ZNF362: variants seen among roughly 807,000 people sequenced by gnomAD.
The protein encoded by ZNF362 is zinc finger protein 362, also known as rotund homolog.
In ZNF362, 11 loss-of-function variants were observed where a neutral mutation model predicts 42.9. That is an observed-to-expected ratio of 0.26 (90% confidence interval 0.16 to 0.42). The LOEUF (loss-of-function observed/expected upper bound fraction) is 0.42, where lower values mean the gene tolerates loss of function less well. ZNF362 is among the 20% of genes least tolerant of loss of function. The pLI is 1.00. For synonymous variants in ZNF362, 255 were observed against 257.3 expected (o/e 0.99, Z 0.09); for missense variants, 362 against 576.2 (o/e 0.63, Z 3.81).
At chr1:33,190,176 T>G in the ZNF362 span, among the ~76,000 whole-genome samples, 1 of 152,164 alleles carries the variant, frequency 6.6e-6, no homozygotes, top group Admixed American at 6.5e-5. Context: ...GTCTTCACAT[T>G]ACATGCTCTT....
intron 2 of ZNF362, among the ~76,000 whole-genome samples, chr1:33,274,099 G>A (rs1272990859): frequency 1.3e-5 from 2 of 152,148 alleles, no homozygotes; most frequent in African/African-American, 2.4e-5. Flanking sequence ...AGACTGCTGT[G>A]TGAGCGGGTG....
intron 8 of ZNF362, among the ~76,000 whole-genome samples, chr1:33,298,094 G>A (rs1325632850): frequency 6.6e-6 from 1 of 152,190 alleles, no homozygotes; most frequent in East Asian, 1.9e-4. Context: ...TGGCAAAGGC[G>A]ATTGGAAGGA....
the ZNF362 span, among the ~76,000 whole-genome samples, chr1:33,171,299 G>T: frequency 5.3e-5 from 8 of 152,234 alleles, no homozygotes; most frequent in Non-Finnish European, 1.0e-4. Flanking sequence ...GGAGGCGGAT[G>T]TGGTTTGGGT....
chr1:33,212,320 A>G, the ZNF362 span, among the ~76,000 whole-genome samples: 1 of 152,146 alleles, frequency 6.6e-6, no homozygotes, highest in African/African-American at 2.4e-5. Flanking sequence ...GTATTTCTTC[A>G]TAGCAGTGTG....
the ZNF362 span, among the ~76,000 whole-genome samples, chr1:33,221,945 A>G: frequency 6.6e-6 from 1 of 152,122 alleles, no homozygotes; most frequent in African/African-American, 2.4e-5. Context: ...ATCCCAGCAA[A>G]GAAGGTAGAG....
the ZNF362 span, among the ~76,000 whole-genome samples, chr1:33,157,735 G>GAACCT: frequency 1.3e-5 from 2 of 151,838 alleles, no homozygotes; most frequent in Admixed American, 1.3e-4. Context: ...TTTGCTAATG[G>GAACCT]AACCTATCTC....
At chr1:33,238,285 C>T in the ZNF362 span, among the ~76,000 whole-genome samples, 2 of 143,640 alleles carry the variant, frequency 1.4e-5, no homozygotes, top group Non-Finnish European at 1.5e-5. Flanking sequence ...CACCACTGCA[C>T]GCCAGCCCGG....
the ZNF362 span, among the ~76,000 whole-genome samples, chr1:33,168,994 C>T: frequency 1.6e-5 from 2 of 126,102 alleles, no homozygotes; most frequent in African/African-American, 3.1e-5. Context: ...ATAAGGACAG[C>T]GGGCTTGCTC....
At chr1:33,201,191 A>G in the ZNF362 span, among the ~76,000 whole-genome samples, 1 of 152,236 alleles carries the variant, frequency 6.6e-6, no homozygotes, top group Non-Finnish European at 1.5e-5. Context: ...AGCCACAATG[A>G]TAGTAGGAGA....
At chr1:33,184,034 A>G in the ZNF362 span, among the ~76,000 whole-genome samples, 4 of 71,026 alleles carry the variant, frequency 5.6e-5, no homozygotes, top group Non-Finnish European at 1.2e-4. Context: ...AGCATTTGAA[A>G]TGAAATGAAA....
chr1:33,238,345 AAATAAAATAAAATAAAAT>A, the ZNF362 span, among the ~76,000 whole-genome samples: 1 of 98,720 alleles, frequency 1.0e-5, no homozygotes, highest in Non-Finnish European at 2.2e-5. Flanking sequence ...AAATAAAATA[AAATAAAATAAAATAAAAT>A]AATAAAATAA....
chr1:33,186,596 A>G, the ZNF362 span, among the ~76,000 whole-genome samples: 3 of 149,180 alleles, frequency 2.0e-5, no homozygotes. Flanking sequence ...ACCTGAGGTC[A>G]GGAGTTTGAG....
chr1:33,276,571 G>A lies in ZNF362; in HGVS notation c.326G>A (p.Arg109Gln). The A allele has an allele frequency of 9.4e-6, 13 of 1,382,802 alleles. No homozygotes were observed. Among genetic ancestry groups the A allele is most frequent in the East Asian group, 3.0e-5 (1 of 32,966 alleles). 85.7% of individuals were successfully genotyped at this position (1,382,802 alleles called of 1,614,324 possible). ...VPQPDVALHA[R>Q]PATSTVTGLG... The stretch of plus-strand genomic sequence containing the variant: ...CAGCCCGACGTGGCGCTGCACGCAC[G>A]GCCGGCCACCAGCACCGTCACAGGT... Residue 109 changes from arginine to glutamine, a missense_variant, in exon 4 of 9, where the codon CGG becomes CAG. Coordinates refer to ENST00000539719, the MANE Select transcript of ZNF362 (RefSeq NM_152493.3).
At chr1:33,279,477 G>GT (rs779593225) in intron 4 of ZNF362, among the ~76,000 whole-genome samples, 12,283 of 139,410 alleles carry the variant, frequency 0.088, 574 homozygotes, top group Non-Finnish European at 0.12. Context: ...CAAATTTTTA[G>GT]TTTTTTTTTT....
At chr1:33,135,181 T>A in the ZNF362 span, among the ~76,000 whole-genome samples, 2 of 152,088 alleles carry the variant, frequency 1.3e-5, no homozygotes, top group Non-Finnish European at 2.9e-5. Flanking sequence ...TCCCAGCTAT[T>A]TGGGAGGCTG....
the ZNF362 span, among the ~76,000 whole-genome samples, chr1:33,230,217 C>T: frequency 6.6e-6 from 1 of 152,056 alleles, no homozygotes; most frequent in Non-Finnish European, 1.5e-5. Context: ...GTGTTAATAC[C>T]CACCTCATTG....
the ZNF362 span, among the ~76,000 whole-genome samples, chr1:33,170,244 C>T: frequency 4.6e-5 from 7 of 151,764 alleles, no homozygotes; most frequent in Admixed American, 1.3e-4. Context: ...GAGCAAGAAT[C>T]GCTTTAACCC....
At chr1:33,223,620 T>C in the ZNF362 span, among the ~76,000 whole-genome samples, 4 of 152,110 alleles carry the variant, frequency 2.6e-5, no homozygotes, top group African/African-American at 4.8e-5. Flanking sequence ...AGGCTGGCCA[T>C]GGTGGCTCAC....
chr1:33,209,382 T>C, the ZNF362 span, among the ~76,000 whole-genome samples: 3 of 152,168 alleles, frequency 2.0e-5, no homozygotes, highest in Non-Finnish European at 4.4e-5. Flanking sequence ...TAAAATTCTC[T>C]TTTTTTGTTG....
Sources: allele counts gnomAD v4.1 joint callset (sites outside exome capture counted in the v4.1 genomes callset), GRCh38; gene constraint gnomAD v4.1.1; transcripts MANE v1.5; gene names NCBI Gene and HGNC (gene_info 2026-07-23, HGNC 2026-07-21).